Variants in DMD observed in about 807,000 individuals in gnomAD.
DMD encodes the protein dystrophin.
DMD carries 63 observed loss-of-function variants against 330.1 expected under a neutral mutation model. The observed-to-expected ratio is 0.19, with a 90% CI of 0.16 to 0.24. The LOEUF is 0.24. Ranked by LOEUF, DMD falls within the 10% of genes least tolerant of loss-of-function variation. DMD has a pLI of 1.00. For missense variants in DMD, 3,344 were observed against 2,684.1 expected, an observed-to-expected ratio of 1.25 and a Z score of -5.43; for synonymous variants, 1,223 against 959.8, an observed-to-expected ratio of 1.27 and a Z score of -5.07.
intron 1 of DMD, among the ~76,000 whole-genome samples, chrX:33,137,121 C>T (rs938468726): frequency 8.1e-5 from 9 of 110,792 alleles, no homozygotes; most frequent in African/African-American, 3.0e-4. Context: ...GGGAGATCGT[C>T]CCCTGCTCCC....
At chrX:32,398,695 T>C (rs7882841) in intron 30 of DMD, among the ~76,000 whole-genome samples, 17,310 of 111,110 alleles carry the variant, frequency 0.16, 1,198 homozygotes, top group African/African-American at 0.26. Flanking sequence ...ATTATAATAA[T>C]GTATTTTCTA....
At chrX:32,744,807 A>T (rs2069765656) in intron 7 of DMD, among the ~76,000 whole-genome samples, 1 of 112,014 alleles carries the variant, frequency 8.9e-6, no homozygotes, top group African/African-American at 3.2e-5. Context: ...GACTATTACC[A>T]GTCTCCGAAA....
At chrX:32,502,308 T>C (rs1569564922) in intron 18 of DMD, among the ~76,000 whole-genome samples, 1 of 111,391 alleles carries the variant, frequency 9.0e-6, no homozygotes, top group Non-Finnish European at 1.9e-5. Flanking sequence ...TTAGCAGAAA[T>C]ATATAATATA....
At chrX:31,904,993 G>A (rs1028275746) in intron 47 of DMD, among the ~76,000 whole-genome samples, 2 of 111,521 alleles carry the variant, frequency 1.8e-5, no homozygotes, top group Non-Finnish European at 3.8e-5. Context: ...TAGGAGTATT[G>A]CAAATATAAG....
intron 44 of DMD, among the ~76,000 whole-genome samples, chrX:32,044,453 G>A (rs962257021): frequency 1.9e-5 from 2 of 107,355 alleles, no homozygotes; most frequent in Non-Finnish European, 3.8e-5. Context: ...ATGAAGTCTC[G>A]CTCTGTCGCC....
At chrX:32,260,814 C>T (rs1006316721) in intron 43 of DMD, among the ~76,000 whole-genome samples, 1 of 111,719 alleles carries the variant, frequency 9.0e-6, no homozygotes. Flanking sequence ...CTAATGTTTA[C>T]AGGTGGTGAG....
intron 29 of DMD, among the ~76,000 whole-genome samples, chrX:32,418,972 C>CAAAAAAAAAAAAAAAAAAAAAAAAAAA (rs1160282195): frequency 8.1e-4 from 11 of 13,506 alleles, no homozygotes; most frequent in African/African-American, 1.1e-3. Context: ...GACTCTGTCT[C>CAAAAAAAAAAAAAAAAAAAAAAAAAAA]AAAAAAAAAA....
intron 2 of DMD, among the ~76,000 whole-genome samples, chrX:32,987,319 T>G (rs778347094): frequency 3.6e-5 from 4 of 111,320 alleles, no homozygotes; most frequent in Non-Finnish European, 5.7e-5. Context: ...CATTCCTGCT[T>G]GAGTGCTTTG....
At position 33,009,127 on chromosome X, in the gene DMD, T is replaced by C. The variant is rs182087191; in HGVS notation, c.93+11012A>G. 1.8e-3 allele frequency among the ~76,000 whole-genome samples: 48 copies of C among 26,069 alleles called. 5 individuals are homozygous for C. The highest frequency in any genetic ancestry group is 5.8e-3 in the African/African-American group (33 of 5,718). The allele number at this position is 26,069 out of a possible 115,157, so 22.6% of individuals were successfully genotyped here. ...GTATATATATGTGTATATATACGTA[T>C]ATATGTATATATATGTGTATATATA... On this transcript the variant is annotated intron_variant, in intron 2 of 78. Coordinates refer to ENST00000357033, the MANE Select transcript of DMD (RefSeq NM_004006.3).
rs1408907171 is a variant in DMD, at chrX:31,201,197, A to ACACG, written c.9807+2763_9807+2764insCGTG. Among the ~76,000 whole-genome samples, 14 of 107,330 alleles carry ACACG rather than the reference A, an allele frequency of 1.3e-4. No homozygotes were observed. In the East Asian group the frequency reaches 2.1e-3, roughly 16 times the overall value. 93.2% of individuals were successfully genotyped at this position (107,330 alleles called of 115,157 possible). ...CACACACACACACACACACACACACACGCACACACACACACATACACCAAA... is the reference window on the plus strand; with the variant it reads ...CACACACACACACACACACACACACACACGCGCACACACACACACATACACCAAA... On this transcript the variant is annotated intron_variant, in intron 67 of 78. Transcript: ENST00000357033.
intron 44 of DMD, among the ~76,000 whole-genome samples, chrX:32,170,952 C>G (rs1390814321): frequency 2.7e-5 from 3 of 111,278 alleles, no homozygotes; most frequent in Non-Finnish European, 5.7e-5. Flanking sequence ...CATATTTATA[C>G]CTGTTATATG....
intron 75 of DMD, 78 bp from the exon 76 acceptor site, chrX:31,146,492 C>T: frequency 9.6e-7 from 1 of 1,038,291 alleles, no homozygotes; most frequent in Non-Finnish European, 1.3e-6. Flanking sequence ...ATGATACACA[C>T]TCAGGACTCA....
At chrX:32,571,954 G>A (rs761092747) in intron 15 of DMD, among the ~76,000 whole-genome samples, 2 of 111,595 alleles carry the variant, frequency 1.8e-5, no homozygotes, top group Non-Finnish European at 3.8e-5. Context: ...CTACCAAAAA[G>A]AATTACAAAA....
chrX:32,429,819 GATCA>G (rs1411942460), intron 29 of DMD, among the ~76,000 whole-genome samples: 1 of 110,120 alleles, frequency 9.1e-6, no homozygotes, highest in African/African-American at 3.3e-5. Context: ...TAGTATTTTA[GATCA>G]ACATTATTTT....
At chrX:31,871,106 T>C (rs1265325934) in intron 48 of DMD, among the ~76,000 whole-genome samples, 2 of 111,468 alleles carry the variant, frequency 1.8e-5, no homozygotes, top group African/African-American at 6.5e-5. Flanking sequence ...ATTTTATGTC[T>C]AAATTGAGAG....
At chrX:33,291,475 A>G (rs1370683248) in intron 1 of DMD, among the ~76,000 whole-genome samples, 1 of 111,561 alleles carries the variant, frequency 9.0e-6, no homozygotes. Flanking sequence ...TTTGCAGATG[A>G]CATGGCTGCC....
chrX:33,123,064 A>G (rs2095434841), intron 1 of DMD, among the ~76,000 whole-genome samples: 1 of 112,220 alleles, frequency 8.9e-6, no homozygotes, highest in Non-Finnish European at 1.9e-5. Context: ...GATATGTTTT[A>G]GACATTGAAA....
chrX:33,219,308 G>T (rs1473400747), intron 1 of DMD, among the ~76,000 whole-genome samples: 1 of 55,976 alleles, frequency 1.8e-5, no homozygotes. Context: ...AGAGATTATT[G>T]TGTGTGTGTG....
intron 60 of DMD, among the ~76,000 whole-genome samples, chrX:31,426,451 T>C (rs1431263576): frequency 8.9e-6 from 1 of 112,538 alleles, no homozygotes; most frequent in Non-Finnish European, 1.9e-5. Context: ...ATACTAGCTC[T>C]TGCCTTGGCA....
Sources: gnomAD v4.1 joint callset for allele counts (sites outside exome capture counted in the v4.1 genomes callset) on GRCh38, gnomAD v4.1.1 for gene constraint, MANE v1.5 for transcripts, NCBI Gene and HGNC (gene_info 2026-07-23, HGNC 2026-07-21) for gene names.